ADAM2: variants seen among roughly 807,000 people sequenced by gnomAD.
ADAM2 encodes the protein disintegrin and metalloproteinase domain-containing protein 2.
Under a neutral mutation model 99.3 loss-of-function variants are expected in ADAM2, and 101 were observed. That is an observed-to-expected ratio of 1.02 (90% confidence interval 0.87 to 1.20). The LOEUF is 1.20. Ranked by LOEUF, ADAM2 falls within the 50% of genes most tolerant of loss-of-function variation. The pLI, the probability that ADAM2 is intolerant of heterozygous loss-of-function variation, is 0.00. For synonymous variants in ADAM2, 323 were observed against 287.6 expected (o/e 1.12, Z -1.25); for missense variants, 948 against 878.7 (o/e 1.08, Z -1.00).
chr8:39,785,443 G>A (rs561004625), intron 10 of ADAM2, among the ~76,000 whole-genome samples: 17 of 152,284 alleles, frequency 1.1e-4, no homozygotes, highest in African/African-American at 3.1e-4. Context: ...CAGAAACTGT[G>A]GAAAGCAGTT....
In ADAM2 at chr8:39,769,424, C is replaced by T; in HGVS notation, c.1180G>A (p.Ala394Thr). Residue 394 changes from alanine (A) to threonine (T), a missense_variant, in exon 12 of 21, where the codon GCA becomes ACA. Transcript: ENST00000265708. ...GTCCCACAGTCACACTCCTCTCCTG[C>T]TTCCAGCTTTGCATTACCACACACT... ...QAVCGNAKLE[A>T]GEECDCGTEQ... 1.2e-6 allele frequency: 2 copies of T among 1,614,022 alleles called. No individual in the cohort carries two copies. Among genetic ancestry groups the T allele is most frequent in the Admixed American group, 1.7e-5 (1 of 60,004 alleles).
chr8:39,808,346 G>A (rs950658192), intron 7 of ADAM2, among the ~76,000 whole-genome samples: 5 of 151,840 alleles, frequency 3.3e-5, no homozygotes, highest in African/African-American at 1.2e-4. Flanking sequence ...AACAAGATTA[G>A]GAAATAGGAA....
chr8:39,777,158 G>A lies in ADAM2; in HGVS notation c.895C>T (p.Pro299Ser), dbSNP rs1803023677. The A allele has an allele frequency of 3.1e-6, 5 of 1,600,308 alleles. No homozygotes were observed. Among genetic ancestry groups the A allele is most frequent in the Non-Finnish European group, 3.4e-6 (4 of 1,175,456 alleles). ...AGTGATTCCAGACTTATGGTTCTGG[G>A]GTGCTGAGAAAAAAAAATAGATGTA... ...ANYAGGVVLHPRTISLESLAV... is the reference protein window; with the variant it reads ...ANYAGGVVLHSRTISLESLAV... The change falls in exon 11 of 21, where the codon CCC becomes TCC. Residue 299 changes from proline to serine, a missense_variant. Physicochemically the swap from Pro to Ser is moderately conservative, Grantham distance 74 (BLOSUM62 -1). Coordinates refer to ENST00000265708, the MANE Select transcript of ADAM2 (RefSeq NM_001464.5).
intron 14 of ADAM2, among the ~76,000 whole-genome samples, chr8:39,762,102 A>AG (rs1554520578): frequency 1.3e-5 from 2 of 152,202 alleles, no homozygotes; most frequent in Non-Finnish European, 2.9e-5. Flanking sequence ...AAGAAAAAAA[A>AG]GCTTCAACCT....
intron 16 of ADAM2, among the ~76,000 whole-genome samples, chr8:39,755,187 A>C (rs1391283685): frequency 1.3e-5 from 2 of 152,218 alleles, no homozygotes; most frequent in African/African-American, 4.8e-5. Flanking sequence ...GTAAATGAAC[A>C]ACGCAGTTCT....
chr8:39,771,589 G>A (rs923748252), intron 11 of ADAM2, among the ~76,000 whole-genome samples: 1 of 152,028 alleles, frequency 6.6e-6, no homozygotes, highest in African/African-American at 2.4e-5. Flanking sequence ...TAAACTTGAT[G>A]GTATCAAACT....
Position 39,743,784 on chromosome 8 carries a change from T to C in ADAM2, c.*311A>G, listed in dbSNP as rs995141804. 2 of 152,198 alleles carry C rather than the reference T, an allele frequency of 1.3e-5. No individual in the cohort carries two copies. The highest frequency in any genetic ancestry group is 4.8e-5 in the African/African-American group (2 of 41,460). 9.4% of individuals were successfully genotyped at this position (152,198 alleles called of 1,614,324 possible). ...ATCATAGTACCACCTCATTACATTA[T>C]GATATTTCCTTATACCATGCCCCTA... is the stretch of plus-strand genomic sequence containing the variant. On this transcript the variant is annotated 3_prime_UTR_variant, in exon 21 of 21. Transcript: ENST00000265708.
chr8:39,746,256 G>T (rs946834219), intron 19 of ADAM2, among the ~76,000 whole-genome samples: 19 of 152,012 alleles, frequency 1.2e-4, no homozygotes, highest in Admixed American at 1.2e-3. Flanking sequence ...TGAACTCCTG[G>T]CTTTAAGTGA....
intron 6 of ADAM2, among the ~76,000 whole-genome samples, chr8:39,810,058 A>G (rs1165491929): frequency 6.6e-6 from 1 of 152,214 alleles, no homozygotes. Context: ...GCAGAGACAA[A>G]CATAAGCTCA....
At chr8:39,789,729 T>C (rs1803623726) in intron 7 of ADAM2, among the ~76,000 whole-genome samples, 1 of 151,234 alleles carries the variant, frequency 6.6e-6, no homozygotes, top group African/African-American at 2.4e-5. Context: ...CTGCTTCAAA[T>C]GACACCATCA....
chr8:39,801,195 T>C, intron 7 of ADAM2, among the ~76,000 whole-genome samples: 1 of 152,018 alleles, frequency 6.6e-6, no homozygotes. Context: ...TTGGATGAGG[T>C]TTTTGTGGGG....
At position 39,764,098 on chromosome 8, in the gene ADAM2, A is replaced by T. The variant is rs567174931; in HGVS notation, c.1507+2750T>A. ...TCAGTTTGAAATATTCAAATCTAGG[A>T]GCATGGAACAAATTAAGAAGCAAAG... On this transcript the variant is annotated intron_variant, in intron 14 of 20. Transcript: ENST00000265708. Among the ~76,000 whole-genome samples the T allele has an allele frequency of 3.3e-5, 5 of 152,344 alleles. No homozygotes were observed. In the South Asian group the frequency reaches 1.0e-3, roughly 32 times the overall value.
At chr8:39,769,696 T>C (rs1280794085) in intron 11 of ADAM2, 121 bp from the exon 12 acceptor site, 19 of 624,746 alleles carry the variant, frequency 3.0e-5, no homozygotes, top group Non-Finnish European at 5.1e-5. Flanking sequence ...TGAGTGTCAA[T>C]GCTTTCAATC....
chr8:39,769,649 C>A (rs1021685314), intron 11 of ADAM2, 74 bp from the exon 12 acceptor site: 8 of 999,390 alleles, frequency 8.0e-6, no homozygotes, highest in Non-Finnish European at 1.0e-5. Context: ...TAAACCTATA[C>A]AACAGCATTC....
chr8:39,824,755 A>G (rs772895586), intron 4 of ADAM2, 64 bp downstream of exon 4: 11 of 843,340 alleles, frequency 1.3e-5, no homozygotes, highest in Non-Finnish European at 2.2e-5. Context: ...TAACATGTGG[A>G]CACTAAATAA....
chr8:39,767,175 C>A lies in ADAM2; in HGVS notation c.1289G>T (p.Gly430Val), dbSNP rs773542905. ...TACTAGACAGTTTTCGCAGCATGGT[C>A]CTTCAGCACAGTTTGAACCGGCTTT... The part of the protein sequence containing the change: ...RFKAGSNCAE[G>V]PCCENCLFMS... Residue 430 changes from glycine (G) to valine (V), a missense_variant, in exon 13 of 21, where the codon GGA becomes GTA. Coordinates refer to ENST00000265708, the MANE Select transcript of ADAM2 (RefSeq NM_001464.5). 1.2e-6 allele frequency: 2 copies of A among 1,607,430 alleles called. No individual in the cohort carries two copies. The highest frequency in any genetic ancestry group is 3.5e-5 in the Admixed American group (2 of 57,146).
chr8:39,755,248 C>T (rs958929341), intron 16 of ADAM2, among the ~76,000 whole-genome samples: 8 of 151,984 alleles, frequency 5.3e-5, no homozygotes, highest in East Asian at 1.9e-4. Flanking sequence ...AAATAACCAG[C>T]GAAATAGTCA....
At chr8:39,805,746 G>C (rs1260919653) in intron 7 of ADAM2, among the ~76,000 whole-genome samples, 1 of 152,140 alleles carries the variant, frequency 6.6e-6, no homozygotes, top group Non-Finnish European at 1.5e-5. Context: ...TGACAGCAGG[G>C]AGACCACACG....
chr8:39,811,083 C>T (rs1448924089), intron 6 of ADAM2, among the ~76,000 whole-genome samples: 3 of 151,984 alleles, frequency 2.0e-5, no homozygotes, highest in African/African-American at 7.2e-5. Flanking sequence ...CAAAAAGACA[C>T]AATAAAAAAT....
Sources: allele counts gnomAD v4.1 joint callset (sites outside exome capture counted in the v4.1 genomes callset), GRCh38; gene constraint gnomAD v4.1.1; transcripts MANE v1.5; gene names NCBI Gene and HGNC (gene_info 2026-07-23, HGNC 2026-07-21).